Variants in DTNBP1 observed in about 807,000 individuals in gnomAD.
DTNBP1 encodes dysbindin.
A neutral mutation model predicts 42.8 loss-of-function variants in DTNBP1; 35 were observed. The observed-to-expected ratio is 0.82, with a 90% CI of 0.63 to 1.09. The LOEUF (loss-of-function observed/expected upper bound fraction) is 1.09. Ranked by LOEUF, DTNBP1 falls within the 50% of genes least tolerant of loss-of-function variation. DTNBP1 has a pLI of 0.00. For missense variants in DTNBP1, 457 were observed against 424.2 expected, an observed-to-expected ratio of 1.08 and a Z score of -0.68; for synonymous variants, 171 against 162.2, an observed-to-expected ratio of 1.05 and a Z score of -0.41.
intron 4 of DTNBP1, among the ~76,000 whole-genome samples, chr6:15,631,453 T>C (rs1284017207): frequency 6.6e-6 from 1 of 151,814 alleles, no homozygotes; most frequent in African/African-American, 2.4e-5. Flanking sequence ...AGCTCCTCTA[T>C]AGGACACAGT....
chr6:15,639,950 G>T (rs546131332), intron 3 of DTNBP1, among the ~76,000 whole-genome samples: 41 of 152,100 alleles, frequency 2.7e-4, no homozygotes, highest in African/African-American at 9.6e-4. Context: ...TTTTCTCCCC[G>T]TTATTATGTA....
chr6:15,635,608 T>C (rs1759961151), intron 4 of DTNBP1, among the ~76,000 whole-genome samples: 1 of 152,246 alleles, frequency 6.6e-6, no homozygotes, highest in Non-Finnish European at 1.5e-5. Flanking sequence ...GGCTAACTCA[T>C]ATGAAACTGC....
At chr6:15,659,347 G>C (rs1194464639) in intron 1 of DTNBP1, among the ~76,000 whole-genome samples, 7 of 152,174 alleles carry the variant, frequency 4.6e-5, no homozygotes, top group Non-Finnish European at 7.4e-5. Flanking sequence ...AAGGAGCCCA[G>C]AAATGCCTGA....
intron 6 of DTNBP1, among the ~76,000 whole-genome samples, chr6:15,614,627 AC>A (rs1758612874): frequency 1.3e-5 from 2 of 152,288 alleles, no homozygotes; most frequent in South Asian, 4.1e-4. Context: ...GCAGGCTGTT[AC>A]CCTTAGACTC....
At chr6:15,563,014 T>C (rs1023061035) in intron 7 of DTNBP1, among the ~76,000 whole-genome samples, 1 of 152,216 alleles carries the variant, frequency 6.6e-6, no homozygotes, top group Non-Finnish European at 1.5e-5. Flanking sequence ...TTGCTTCACA[T>C]GGCATAAATG....
intron 9 of DTNBP1, chr6:15,523,734 G>C (rs1233039659): frequency 7.8e-7 from 1 of 1,287,228 alleles, no homozygotes; most frequent in South Asian, 1.2e-5. Flanking sequence ...CTCTGGGTGA[G>C]GGTTCACGCT....
intron 7 of DTNBP1, among the ~76,000 whole-genome samples, chr6:15,588,694 C>T (rs1385800609): frequency 6.6e-6 from 1 of 152,216 alleles, no homozygotes; most frequent in Non-Finnish European, 1.5e-5. Flanking sequence ...TCACCCCACA[C>T]ACCATATGCT....
intron 8 of DTNBP1, among the ~76,000 whole-genome samples, chr6:15,532,897 C>T (rs1402822897): frequency 6.6e-6 from 1 of 151,878 alleles, no homozygotes; most frequent in East Asian, 1.9e-4. Context: ...TGAGGTTTCA[C>T]CATGTTGGCC....
intron 1 of DTNBP1, 24 bp downstream of exon 1, chr6:15,662,790 T>C: frequency 6.2e-7 from 1 of 1,611,912 alleles, no homozygotes; most frequent in South Asian, 1.1e-5. Flanking sequence ...TCAGGTCCCT[T>C]TTCGTCGCCC....
intron 7 of DTNBP1, among the ~76,000 whole-genome samples, chr6:15,586,503 T>A (rs1484132066): frequency 6.6e-6 from 1 of 151,690 alleles, no homozygotes; most frequent in African/African-American, 2.4e-5. Flanking sequence ...TCCTTTTTCA[T>A]ACAAATATAC....
At chr6:15,560,334 T>C (rs1774775219) in intron 7 of DTNBP1, among the ~76,000 whole-genome samples, 1 of 152,102 alleles carries the variant, frequency 6.6e-6, no homozygotes, top group Non-Finnish European at 1.5e-5. Context: ...AGCCTAGTTA[T>C]AACGATTTAA....
At chr6:15,628,980 T>C (rs1339281274) in intron 4 of DTNBP1, among the ~76,000 whole-genome samples, 2 of 152,218 alleles carry the variant, frequency 1.3e-5, no homozygotes, top group Admixed American at 1.3e-4. Context: ...TCAACTGAGC[T>C]GGGAGGCCAC....
At chr6:15,659,352 G>A (rs1384350146) in intron 1 of DTNBP1, among the ~76,000 whole-genome samples, 1 of 152,138 alleles carries the variant, frequency 6.6e-6, no homozygotes, top group Non-Finnish European at 1.5e-5. Context: ...GCCCAGAAAT[G>A]CCTGAGGCCT....
At chr6:15,653,477 T>G (rs1761127601) in intron 1 of DTNBP1, among the ~76,000 whole-genome samples, 1 of 152,242 alleles carries the variant, frequency 6.6e-6, no homozygotes, top group African/African-American at 2.4e-5. Flanking sequence ...TCCTCCCCTC[T>G]ACTTGCTGCT....
Position 15,552,978 on chromosome 6 carries a change from T to C in DTNBP1, c.512-19583A>G, listed in dbSNP as rs541186178. On this transcript the variant is annotated intron_variant, in intron 7 of 9. Transcript: ENST00000344537. ...GTATAAGATTCAGGAAATACCCCCT[T>C]AAGGAAAAAGTTTCATCTAAGCTCA... Among the ~76,000 whole-genome samples, 13 of 152,296 alleles carry C rather than the reference T, an allele frequency of 8.5e-5. No individual in the cohort carries two copies. The East Asian group carries it at 2.5e-3, about 29-fold the overall frequency.
intron 7 of DTNBP1, among the ~76,000 whole-genome samples, chr6:15,589,221 C>G (rs1256841825): frequency 1.3e-5 from 2 of 152,200 alleles, no homozygotes; most frequent in Non-Finnish European, 1.5e-5. Flanking sequence ...AGTGAGACTC[C>G]TCACAGCCTC....
At chr6:15,620,662 C>A (rs1377698515) in intron 5 of DTNBP1, among the ~76,000 whole-genome samples, 3 of 152,194 alleles carry the variant, frequency 2.0e-5, no homozygotes, top group Non-Finnish European at 4.4e-5. Context: ...AAGGCTGTTT[C>A]ATTTTGATTA....
chr6:15,592,334 C>T (rs1457435753), intron 7 of DTNBP1, among the ~76,000 whole-genome samples: 3 of 152,116 alleles, frequency 2.0e-5, no homozygotes, highest in African/African-American at 7.2e-5. Context: ...ATGAATCTCT[C>T]GAGAATAGGA....
chr6:15,633,590 G>A (rs1208518828), intron 4 of DTNBP1, among the ~76,000 whole-genome samples: 1 of 152,202 alleles, frequency 6.6e-6, no homozygotes, highest in East Asian at 1.9e-4. Context: ...ATGAATGGAT[G>A]AGGAGTTGAT....
Sources: gnomAD v4.1 joint callset for allele counts (sites outside exome capture counted in the v4.1 genomes callset) on GRCh38, gnomAD v4.1.1 for gene constraint, MANE v1.5 for transcripts, NCBI Gene and HGNC (gene_info 2026-07-23, HGNC 2026-07-21) for gene names.